Variants in SP140 observed in about 807,000 individuals in gnomAD.
SP140 encodes SP140 nuclear body protein.
SP140 carries 81 observed loss-of-function variants against 125.0 expected under a neutral mutation model. That is an observed-to-expected ratio of 0.65 (90% CI 0.54 to 0.78). The LOEUF (loss-of-function observed/expected upper bound fraction) is 0.78. Among genes scored for constraint, SP140 ranks in the 30% least tolerant of loss-of-function variants. The pLI is 0.00. For missense variants in SP140, 858 were observed against 1,037.0 expected (o/e 0.83, Z 2.37); for synonymous variants, 312 against 354.0 (o/e 0.88, Z 1.33).
At chr2:230,283,729 C>G (rs1190639824) in intron 15 of SP140, among the ~76,000 whole-genome samples, 1 of 152,136 alleles carries the variant, frequency 6.6e-6, no homozygotes, top group Non-Finnish European at 1.5e-5. Flanking sequence ...ATAAAGGGCA[C>G]GTCAGACTGC....
At chr2:230,189,529 C>T in the SP140 span, among the ~76,000 whole-genome samples, 1 of 152,110 alleles carries the variant, frequency 6.6e-6, no homozygotes, top group Admixed American at 6.5e-5. Flanking sequence ...TAGTTTTATT[C>T]CACTGTGATC....
chr2:230,262,878 A>G (rs1243201270), intron 12 of SP140, among the ~76,000 whole-genome samples: 3 of 152,136 alleles, frequency 2.0e-5, no homozygotes, highest in Admixed American at 6.5e-5. Context: ...ATGGCCTATC[A>G]TATGGTCTAT....
At chr2:230,306,645 G>A (rs1053707875) in intron 22 of SP140, among the ~76,000 whole-genome samples, 1 of 152,268 alleles carries the variant, frequency 6.6e-6, no homozygotes, top group African/African-American at 2.4e-5. Context: ...CTGAGCCCAG[G>A]TGCAGTTGCA....
the SP140 span, among the ~76,000 whole-genome samples, chr2:230,193,545 G>A: frequency 1.3e-5 from 2 of 152,256 alleles, no homozygotes; most frequent in South Asian, 2.1e-4. Context: ...TATAAAGCTG[G>A]TCTGGTAGTG....
rs750062648 is a variant in SP140 at position 230,238,165 on chromosome 2, T to C, written c.238-48T>C. The C allele has an allele frequency of 6.5e-6, 9 of 1,381,268 alleles. No individual in the cohort carries two copies. The Admixed American group carries it at 1.1e-4, about 17-fold the overall frequency. The allele number at this position is 1,381,268 out of a possible 1,614,324, so 85.6% of individuals were successfully genotyped here. A position where few individuals can be genotyped will look rare whatever the true frequency, so the allele number is the denominator to read the frequency against. On this transcript the variant is annotated intron_variant, in intron 2 of 26. Transcript: ENST00000392045. ...CTATCTACAACCTAAAAGTCTTTTG[T>C]AACCCATAAATCTCTAGCTACATAA...
At chr2:230,216,280 A>G (rs1227526246) in intron 3 of SP140, among the ~76,000 whole-genome samples, 1 of 152,244 alleles carries the variant, frequency 6.6e-6, no homozygotes, top group Non-Finnish European at 1.5e-5. Context: ...ATCTTGAGAT[A>G]AAATCATCTT....
chr2:230,211,375 G>A lies in SP140; in HGVS notation c.-322-2279G>A, dbSNP rs1267483235. 4.8e-6 allele frequency: 4 copies of A among 836,552 alleles called. No individual in the cohort carries two copies. In the South Asian group the frequency reaches 5.3e-5, roughly 11 times the overall value. 51.8% of individuals were successfully genotyped at this position (836,552 alleles called of 1,614,324 possible). On this transcript the variant is annotated intron_variant, in intron 1 of 4. Coordinates refer to the SP140 transcript ENST00000456542. The surrounding 1 kb of genome is among the most constrained non-coding windows in gnomAD (Gnocchi z 4.2). ...CTGGGCCAAGATTGCTGAGAGGCAG[G>A]AGGAGAGCCCCCTCTCTAGAAGATC... is the stretch of plus-strand genomic sequence containing the variant.
intron 7 of SP140, among the ~76,000 whole-genome samples, chr2:230,246,836 GC>G (rs1378084482): frequency 1.3e-5 from 2 of 152,140 alleles, no homozygotes; most frequent in African/African-American, 4.8e-5. Context: ...GAAGAAAAAT[GC>G]TCGAAGACAG....
intron 22 of SP140, among the ~76,000 whole-genome samples, chr2:230,302,309 G>A (rs1299018538): frequency 6.6e-6 from 1 of 152,104 alleles, no homozygotes; most frequent in African/African-American, 2.4e-5. Flanking sequence ...CAGGAGAATG[G>A]CATGAACCCA....
intron 3 of SP140, chr2:230,238,628 G>T (rs2149113462): frequency 1.2e-6 from 1 of 834,486 alleles, no homozygotes; most frequent in Non-Finnish European, 1.9e-6. Context: ...TGATTTTGAT[G>T]CTGTAAAACA....
intron 1 of SP140, among the ~76,000 whole-genome samples, chr2:230,231,718 T>C (rs2047276001): frequency 6.6e-6 from 1 of 151,980 alleles, no homozygotes; most frequent in Non-Finnish European, 1.5e-5. Context: ...TTTTTTTCAA[T>C]TTTTTTGAGA....
intron 17 of SP140, among the ~76,000 whole-genome samples, chr2:230,286,659 C>T (rs1467989536): frequency 1.3e-5 from 2 of 152,296 alleles, no homozygotes; most frequent in African/African-American, 2.4e-5. Flanking sequence ...ACTTCTACAA[C>T]CTGGATGTGA....
Position 230,297,447 on chromosome 2 carries a change from C to T in SP140, c.2043C>T (p.Ser681=). The change falls in exon 22 of 27, where the codon AGC becomes AGT. Residue 681 remains serine, a synonymous_variant. Transcript: ENST00000392045. ...GAATACTGAAGTCTCAAAACAATAGCTCAGTTGACCCTTGTGTAAGTACAA... is the reference window on the plus strand; with the variant it reads ...GAATACTGAAGTCTCAAAACAATAGTTCAGTTGACCCTTGTGTAAGTACAA... ...KKRILKSQNN[S]SVDPCMRNLD... 3 of 1,613,916 alleles carry T rather than the reference C, an allele frequency of 1.9e-6. No individual in the cohort carries two copies. Among genetic ancestry groups the T allele is most frequent in the African/African-American group, 2.7e-5 (2 of 75,056 alleles).
intron 3 of SP140, chr2:230,216,947 TA>T: frequency 6.2e-7 from 1 of 1,611,176 alleles, no homozygotes; most frequent in Non-Finnish European, 8.5e-7. Context: ...AGAGGCATGA[TA>T]AAAAATAGAA....
At chr2:230,186,229 T>G in the SP140 span, 2 of 1,214,574 alleles carry the variant, frequency 1.6e-6, no homozygotes, top group Non-Finnish European at 2.4e-6. Flanking sequence ...TCTTGCCATT[T>G]CTCTATAATT....
rs201257053 is a variant in SP140 at position 230,287,958 on chromosome 2, G to C, written c.1712G>C (p.Arg571Pro). Residue 571 changes from arginine (R) to proline (P), a missense_variant, in exon 18 of 27, where the codon CGA (arginine) becomes CCA (proline). Around this residue, in one of 4 missense-constraint regions of SP140, gnomAD observed 791 missense variants for 869.5 expected, o/e 0.91. Transcript: ENST00000392045. ...QSDRAAQKRV[R>P]SRASRKHKDE... ...GACAGAGCTGCACAGAAAAGAGTCC[G>C]ATCAAGAGGTAAAAAAGAAAACAGG... is the stretch of plus-strand genomic sequence containing the variant. 1.2e-6 allele frequency: 2 copies of C among 1,610,936 alleles called. No homozygotes were observed. Among genetic ancestry groups the C allele is most frequent in the South Asian group, 2.2e-5 (2 of 90,312 alleles).
rs947618933 is a variant in SP140, at chr2:230,234,742, T to C, written c.60-2341T>C. On this transcript the variant is annotated intron_variant, in intron 1 of 26. Coordinates refer to ENST00000392045, the MANE Select transcript of SP140 (RefSeq NM_007237.5). ...CATTCACTTTTTAAAAATTTCACAA[T>C]CATTTTGAATTTCCAAGGTCGTTTT... Among the ~76,000 whole-genome samples, 4 of 152,218 alleles carry C rather than the reference T, an allele frequency of 2.6e-5. No individual in the cohort carries two copies. In the East Asian group the frequency reaches 5.8e-4, roughly 22 times the overall value.
At position 230,312,969 on chromosome 2, in the gene SP140, C is replaced by G. The variant is rs1300113652; in HGVS notation, c.*285C>G. ...AGGCTCTTACCTCTTCTCCTGAGGG[C>G]TGCTCCAGACAACATTTATTACCCA... On this transcript the variant is annotated 3_prime_UTR_variant, in exon 27 of 27. Coordinates refer to ENST00000392045, the MANE Select transcript of SP140 (RefSeq NM_007237.5). 8 of 311,410 alleles carry G rather than the reference C, an allele frequency of 2.6e-5. No homozygotes were observed. The highest frequency in any genetic ancestry group is 4.8e-5 in the Non-Finnish European group (8 of 166,908). The allele number at this position is 311,410 out of a possible 1,614,324, so 19.3% of individuals were successfully genotyped here.
At chr2:230,220,855 T>C (rs1323934831), upstream of SP140, among the ~76,000 whole-genome samples, 1 of 151,784 alleles carries the variant, frequency 6.6e-6, no homozygotes, top group African/African-American at 2.4e-5. Flanking sequence ...AATAAAAAAA[T>C]AAAAAATTAA....
Sources: allele counts gnomAD v4.1 joint callset (sites outside exome capture counted in the v4.1 genomes callset), GRCh38; gene constraint gnomAD v4.1.1; regional missense constraint gnomAD v4.1.1; non-coding constraint Gnocchi (gnomAD v3.1); transcripts MANE v1.5; gene names NCBI Gene and HGNC (gene_info 2026-07-23, HGNC 2026-07-21).